The following ACAP2 variants were observed in gnomAD, a reference collection of about 807,000 sequenced individuals.
The protein encoded by ACAP2 is arf-GAP with coiled-coil, ANK repeat and PH domain-containing protein 2.
Under a neutral mutation model 115.8 loss-of-function variants are expected in ACAP2, and 39 were observed. The observed-to-expected ratio is 0.34, with a 90% CI of 0.26 to 0.44. The LOEUF is 0.44. ACAP2 is among the 20% of genes least tolerant of loss of function. The pLI, the probability that ACAP2 is intolerant of heterozygous loss-of-function variation, is 1.00. For missense variants in ACAP2, 662 were observed against 927.6 expected, an observed-to-expected ratio of 0.71 and a Z score of 3.72; for synonymous variants, 289 against 315.8, an observed-to-expected ratio of 0.92 and a Z score of 0.90.
At chr3:195,379,992 A>G (rs569729790) in intron 4 of ACAP2, among the ~76,000 whole-genome samples, 1 of 152,320 alleles carries the variant, frequency 6.6e-6, no homozygotes, top group South Asian at 2.1e-4. Flanking sequence ...GACAATAACA[A>G]GTGTTGATAA....
chr3:195,385,689 C>T (rs2108760002), intron 2 of ACAP2, among the ~76,000 whole-genome samples: 1 of 152,150 alleles, frequency 6.6e-6, no homozygotes, highest in Non-Finnish European at 1.5e-5. Context: ...CTAACGGTAA[C>T]AAGAAAGGCA....
chr3:195,431,259 G>C (rs1226208050), intron 1 of ACAP2, among the ~76,000 whole-genome samples: 1 of 151,972 alleles, frequency 6.6e-6, no homozygotes, highest in African/African-American at 2.4e-5. Context: ...CATTTGTATA[G>C]ATACTTCATA....
intron 21 of ACAP2, 37 bp from the exon 22 acceptor site, chr3:195,285,894 T>C (rs1313752408): frequency 2.8e-6 from 4 of 1,439,126 alleles, no homozygotes; most frequent in African/African-American, 2.9e-5. Flanking sequence ...GATGACATTA[T>C]ATAATATAAA....
At chr3:195,286,048 A>G (rs987307825) in intron 21 of ACAP2, among the ~76,000 whole-genome samples, 191 bp from the exon 22 acceptor site, 3 of 152,210 alleles carry the variant, frequency 2.0e-5, no homozygotes, top group African/African-American at 4.8e-5. Flanking sequence ...TACAATTCTC[A>G]TAAGAAAGGA....
chr3:195,353,016 A>C (rs1431056650), intron 4 of ACAP2, among the ~76,000 whole-genome samples: 2 of 150,312 alleles, frequency 1.3e-5, no homozygotes, highest in Non-Finnish European at 3.0e-5. Flanking sequence ...GGGAGGCGGA[A>C]GTTGCAATGA....
chr3:195,348,085 T>G (rs1028767457), intron 4 of ACAP2, among the ~76,000 whole-genome samples: 1 of 151,706 alleles, frequency 6.6e-6, no homozygotes, highest in African/African-American at 2.4e-5. Context: ...TGGGAATGTA[T>G]TTGAGAAAGA....
intron 4 of ACAP2, chr3:195,349,792 A>T: frequency 3.0e-6 from 1 of 335,476 alleles, no homozygotes; most frequent in Non-Finnish European, 5.9e-6. Context: ...TCAGGCACTC[A>T]AAGAGATCCA....
chr3:195,369,187 TA>T (rs562357844), intron 4 of ACAP2, among the ~76,000 whole-genome samples: 277 of 152,344 alleles, frequency 1.8e-3, no homozygotes, highest in African/African-American at 6.4e-3. Context: ...AACATTTTTT[TA>T]AATCTGATTT....
chr3:195,387,529 C>A (rs1198591917), intron 2 of ACAP2, among the ~76,000 whole-genome samples: 1 of 152,054 alleles, frequency 6.6e-6, no homozygotes. Flanking sequence ...AGGGTTTTTT[C>A]TTTTTCTTTG....
chr3:195,438,825 T>C (rs1715781809), intron 1 of ACAP2, among the ~76,000 whole-genome samples: 1 of 152,216 alleles, frequency 6.6e-6, no homozygotes, highest in South Asian at 2.1e-4. Flanking sequence ...TTTGGGAGGC[T>C]GAGGCGGGCG....
chr3:195,419,847 G>C (rs1303981059), intron 1 of ACAP2, among the ~76,000 whole-genome samples: 1 of 151,990 alleles, frequency 6.6e-6, no homozygotes. Flanking sequence ...ACATACATCG[G>C]AGTCTGTCTT....
At chr3:195,398,419 T>C (rs919408409) in intron 1 of ACAP2, among the ~76,000 whole-genome samples, 1 of 151,864 alleles carries the variant, frequency 6.6e-6, no homozygotes, top group Non-Finnish European at 1.5e-5. Flanking sequence ...CCAAGGCAGG[T>C]AGATCACGGG....
chr3:195,358,752 G>A (rs1033912440), intron 4 of ACAP2, among the ~76,000 whole-genome samples: 2 of 151,912 alleles, frequency 1.3e-5, no homozygotes, highest in African/African-American at 4.8e-5. Flanking sequence ...CTAAGAGTAA[G>A]GTAGAAAGAG....
chr3:195,424,100 T>C (rs534563338), intron 1 of ACAP2, among the ~76,000 whole-genome samples: 1 of 151,568 alleles, frequency 6.6e-6, no homozygotes, highest in Non-Finnish European at 1.5e-5. Flanking sequence ...AGAGCAGAAA[T>C]GACAGAGTTC....
rs1726165682 is a variant in ACAP2 at position 195,275,708 on chromosome 3, C to T, written c.*3620G>A. 1 of 152,100 alleles carries T rather than the reference C, an allele frequency of 6.6e-6. No individual in the cohort carries two copies. The highest frequency in any genetic ancestry group is 2.4e-5 in the African/African-American group (1 of 41,410). 9.4% of individuals were successfully genotyped at this position (152,100 alleles called of 1,614,324 possible). A position where few individuals can be genotyped will look rare whatever the true frequency, so the allele number is the denominator to read the frequency against. Reference sequence around the variant, plus strand: ...CCTGCTCTGTAAAACAAAAGGAGCACCCTAGGATCAAAAAAGTAGACAACT... The same window carrying T: ...CCTGCTCTGTAAAACAAAAGGAGCATCCTAGGATCAAAAAAGTAGACAACT... On this transcript the variant is annotated 3_prime_UTR_variant, in exon 23 of 23. Coordinates refer to ENST00000326793, the MANE Select transcript of ACAP2 (RefSeq NM_012287.6).
intron 4 of ACAP2, among the ~76,000 whole-genome samples, chr3:195,375,263 C>T (rs1341417500): frequency 6.6e-6 from 1 of 151,904 alleles, no homozygotes; most frequent in Non-Finnish European, 1.5e-5. Context: ...AATATCTTCC[C>T]TAATACTGTG....
intron 1 of ACAP2, among the ~76,000 whole-genome samples, chr3:195,394,911 C>T (rs73080815): frequency 0.014 from 2,140 of 147,668 alleles, 77 homozygotes; most frequent in African/African-American, 0.051. Flanking sequence ...GGGCAAGACT[C>T]CATCTCTTTT....
chr3:195,316,744 T>C (rs1729114123), intron 10 of ACAP2, among the ~76,000 whole-genome samples: 1 of 152,086 alleles, frequency 6.6e-6, no homozygotes, highest in Non-Finnish European at 1.5e-5. Context: ...TAACATCAAA[T>C]ATAATCATTA....
chr3:195,302,039 C>T lies in ACAP2; in HGVS notation c.1252G>A (p.Gly418Ser). 6.2e-7 allele frequency: 1 copy of T among 1,614,090 alleles called. No individual in the cohort carries two copies. The highest frequency in any genetic ancestry group is 8.5e-7 in the Non-Finnish European group (1 of 1,180,034). ...CTGGCCCACCGTGGATCTGCCAGGC[C>T]ACAGTCACAACAGCTGGCATTGCCA... Reference protein sequence around the residue: ...IPGNASCCDCGLADPRWASIN... With the variant: ...IPGNASCCDCSLADPRWASIN... The change falls in exon 14 of 23, where the codon GGC becomes AGC. Residue 418 changes from glycine to serine, a missense_variant. Gly to Ser is a moderately conservative substitution (Grantham distance 56). Transcript: ENST00000326793.
Sources: allele counts gnomAD v4.1 joint callset (sites outside exome capture counted in the v4.1 genomes callset), GRCh38; gene constraint gnomAD v4.1.1; transcripts MANE v1.5; gene names NCBI Gene and HGNC (gene_info 2026-07-23, HGNC 2026-07-21).